CYP4X1: variants seen among roughly 807,000 people sequenced by gnomAD.
The protein encoded by CYP4X1 is cytochrome P450 family 4 subfamily X member 1.
CYP4X1 carries 44 observed loss-of-function variants against 57.9 expected under a neutral mutation model. That is an observed-to-expected ratio of 0.76 (90% CI 0.60 to 0.98). CYP4X1 has a LOEUF of 0.98. Ranked by LOEUF, CYP4X1 falls within the 50% of genes least tolerant of loss-of-function variation. CYP4X1 has a pLI of 0.00. For synonymous variants in CYP4X1, 227 were observed against 228.6 expected (o/e 0.99, Z 0.06); for missense variants, 532 against 623.9 (o/e 0.85, Z 1.57).
chr1:47,048,465 G>A, intron 9 of CYP4X1, 100 bp from the exon 10 acceptor site: 2 of 1,248,948 alleles, frequency 1.6e-6, no homozygotes, highest in South Asian at 1.2e-5. Flanking sequence ...ATTGCCAGGA[G>A]CTAGCTCTTC....
rs1644110425 is a variant in CYP4X1 at position 47,030,135 on chromosome 1, A to G, written c.319+4A>G. Reference sequence around the variant, plus strand: ...AAGACACTTCTGAGCAGAACAGGTAAGAAGAGGGGGAAAGCTCTGGGACCT... The same window carrying G: ...AAGACACTTCTGAGCAGAACAGGTAGGAAGAGGGGGAAAGCTCTGGGACCT... On this transcript the variant is annotated splice_donor_region_variant and intron_variant, in intron 2 of 11. Coordinates refer to ENST00000371901, the MANE Select transcript of CYP4X1 (RefSeq NM_178033.2). 8.1e-6 allele frequency: 13 copies of G among 1,608,910 alleles called. No individual in the cohort carries two copies. The highest frequency in any genetic ancestry group is 1.1e-5 in the South Asian group (1 of 90,436).
At chr1:46,967,597 G>A in the CYP4X1 span, 13 of 307,864 alleles carry the variant, frequency 4.2e-5, no homozygotes, top group East Asian at 2.2e-4. Context: ...CAGGTGGGCC[G>A]ATAGAAAGCA....
At chr1:46,994,064 G>A in the CYP4X1 span, among the ~76,000 whole-genome samples, 1 of 152,146 alleles carries the variant, frequency 6.6e-6, no homozygotes, top group Admixed American at 6.5e-5. Flanking sequence ...ATGGTTTCAG[G>A]TCTAACATTT....
intron 9 of CYP4X1, among the ~76,000 whole-genome samples, chr1:47,046,880 A>G (rs550336520): frequency 9.1e-4 from 139 of 152,240 alleles, no homozygotes; most frequent in African/African-American, 3.1e-3. Flanking sequence ...GTGGGACATC[A>G]TTTCTAAGAT....
chr1:47,001,741 C>T, the CYP4X1 span, among the ~76,000 whole-genome samples: 1 of 152,220 alleles, frequency 6.6e-6, no homozygotes, highest in African/African-American at 2.4e-5. Flanking sequence ...CTTCTCCTTC[C>T]TCCACACTGA....
At chr1:47,007,759 G>T in the CYP4X1 span, among the ~76,000 whole-genome samples, 1 of 152,342 alleles carries the variant, frequency 6.6e-6, no homozygotes. Flanking sequence ...GAAAACCATG[G>T]CACGAGAACT....
At chr1:47,007,076 G>A in the CYP4X1 span, among the ~76,000 whole-genome samples, 1 of 152,204 alleles carries the variant, frequency 6.6e-6, no homozygotes, top group Non-Finnish European at 1.5e-5. Flanking sequence ...TTTGAAGAGA[G>A]TAGTAGTTCT....
upstream of CYP4X1, among the ~76,000 whole-genome samples, chr1:47,018,996 G>C (rs1175093777): frequency 6.6e-6 from 1 of 152,132 alleles, no homozygotes; most frequent in Non-Finnish European, 1.5e-5. Flanking sequence ...AGATGAACTG[G>C]GGAGGAAGAG....
At position 47,039,344 on chromosome 1, in the gene CYP4X1, T is replaced by C. The variant is rs139660441; in HGVS notation, c.885T>C (p.Asp295=). The change falls in exon 8 of 12, where the codon GAT becomes GAC. Residue 295 remains aspartate, a splice_region_variant and synonymous_variant. Coordinates refer to ENST00000371901, the MANE Select transcript of CYP4X1 (RefSeq NM_178033.2). ...DFLDIVLSAK[D]ESGSSFSDID... ...AATATTTGTATTGTACTTTCTAGGA[T>C]GAAAGTGGTAGCAGCTTCTCAGATA... The C allele has an allele frequency of 3.8e-6, 6 of 1,590,270 alleles. No homozygotes were observed. Among genetic ancestry groups the C allele is most frequent in the African/African-American group, 1.4e-5 (1 of 73,450 alleles).
chr1:47,028,784 TATCTCTACCA>T lies in CYP4X1; in HGVS notation c.178-1205_178-1196del, dbSNP rs1198360045. On this transcript the variant is annotated intron_variant, in intron 1 of 11. Coordinates refer to ENST00000371901, the MANE Select transcript of CYP4X1 (RefSeq NM_178033.2). ...GCCTTGTCTTCCTTATATTTCTCTG[TATCTCTACCA>T]CCTGGTACGTGTGATAGACAATAAA... is the stretch of plus-strand genomic sequence containing the variant. Among the ~76,000 whole-genome samples, 3 of 152,244 alleles carry T rather than the reference TATCTCTACCA, an allele frequency of 2.0e-5. No homozygotes were observed. The East Asian group carries it at 5.8e-4, about 29-fold the overall frequency.
At chr1:47,000,245 C>G in the CYP4X1 span, among the ~76,000 whole-genome samples, 1 of 152,148 alleles carries the variant, frequency 6.6e-6, no homozygotes, top group South Asian at 2.1e-4. Flanking sequence ...TTTGACTCTC[C>G]TTTGCCTTCC....
At chr1:47,039,260 C>A in intron 7 of CYP4X1, 82 bp from the exon 8 acceptor site, 1 of 1,269,870 alleles carries the variant, frequency 7.9e-7, no homozygotes, top group Non-Finnish European at 1.1e-6. Context: ...CTGATTTTTC[C>A]CCTCAAATCA....
the CYP4X1 span, chr1:46,968,015 T>C: frequency 8.0e-5 from 20 of 249,280 alleles, no homozygotes; most frequent in Non-Finnish European, 1.4e-4. Context: ...TTCAGGTCAC[T>C]GTAGGGTGAG....
At chr1:46,985,872 A>G in the CYP4X1 span, among the ~76,000 whole-genome samples, 116 of 152,230 alleles carry the variant, frequency 7.6e-4, no homozygotes, top group Admixed American at 7.6e-3. Context: ...AAGATCACCA[A>G]CATCAAAGAC....
intron 1 of CYP4X1, among the ~76,000 whole-genome samples, chr1:47,026,171 T>C (rs1299258359): frequency 6.6e-6 from 1 of 152,216 alleles, no homozygotes; most frequent in Non-Finnish European, 1.5e-5. Flanking sequence ...ACCTACTATT[T>C]GATAGCATAG....
At position 47,048,661 on chromosome 1, in the gene CYP4X1, A is replaced by C. The variant is rs1265818935; in HGVS notation, c.1272+32A>C. On this transcript the variant is annotated intron_variant, in intron 10 of 11. Coordinates refer to ENST00000371901, the MANE Select transcript of CYP4X1 (RefSeq NM_178033.2). ...TTCTCTCTTGTACATAAATACTTCC[A>C]AGAACTAATGCTGTGCAAGTCACTT... The C allele has an allele frequency of 1.9e-6, 3 of 1,592,336 alleles. No individual in the cohort carries two copies. In the South Asian group the frequency reaches 3.5e-5, roughly 18 times the overall value.
the CYP4X1 span, among the ~76,000 whole-genome samples, chr1:47,002,331 C>A: frequency 2.0e-5 from 3 of 152,114 alleles, no homozygotes; most frequent in African/African-American, 7.2e-5. Flanking sequence ...TGAATAAAAT[C>A]GAATGGAATA....
At chr1:47,046,875 A>G (rs1569656910) in intron 9 of CYP4X1, among the ~76,000 whole-genome samples, 1 of 152,294 alleles carries the variant, frequency 6.6e-6, no homozygotes, top group East Asian at 1.9e-4. Context: ...CCATTGTGGG[A>G]CATCATTTCT....
the CYP4X1 span, among the ~76,000 whole-genome samples, chr1:46,991,821 G>C: frequency 6.6e-6 from 1 of 152,214 alleles, no homozygotes; most frequent in East Asian, 1.9e-4. Flanking sequence ...ATTGTGATGC[G>C]TGGGAAGGAG....
Sources: gnomAD v4.1 joint callset for allele counts (sites outside exome capture counted in the v4.1 genomes callset) on GRCh38, gnomAD v4.1.1 for gene constraint, MANE v1.5 for transcripts, NCBI Gene and HGNC (gene_info 2026-07-23, HGNC 2026-07-21) for gene names.